The following RAD9B variants were observed in gnomAD, a reference collection of about 807,000 sequenced individuals.
RAD9B encodes the protein RAD9 checkpoint clamp component B.
A neutral mutation model predicts 48.3 loss-of-function variants in RAD9B; 41 were observed. That is an observed-to-expected ratio of 0.85 (90% CI 0.66 to 1.10). The LOEUF is 1.10. Among genes scored for constraint, RAD9B ranks in the 50% least tolerant of loss-of-function variants. The pLI is 0.00. For synonymous variants in RAD9B, 160 were observed against 157.9 expected (o/e 1.01, Z -0.10); for missense variants, 444 against 485.1 (o/e 0.92, Z 0.80).
chr12:110,519,784 G>C lies in RAD9B; in HGVS notation c.768-10G>C. ...TGAGTGTCACTGTTGCTCTGACTTG[G>C]CTTTTTTAGACCTCTGGCTTTGAGT... On this transcript the variant is annotated splice_polypyrimidine_tract_variant and intron_variant, in intron 8 of 10. Coordinates refer to ENST00000409300, the MANE Select transcript of RAD9B (RefSeq NM_001286535.2). 1 of 1,599,438 alleles carries C rather than the reference G, an allele frequency of 6.3e-7. No individual in the cohort carries two copies. The highest frequency in any genetic ancestry group is 8.5e-7 in the Non-Finnish European group (1 of 1,175,270).
chr12:110,510,411 C>A (rs554964582), intron 4 of RAD9B, among the ~76,000 whole-genome samples: 3 of 152,258 alleles, frequency 2.0e-5, no homozygotes, highest in African/African-American at 7.2e-5. Flanking sequence ...TGAATTTCAC[C>A]CGGCCTTAGA....
At chr12:110,503,629 ATG>A (rs2063167610) in intron 1 of RAD9B, among the ~76,000 whole-genome samples, 175 bp from the exon 2 acceptor site, 1 of 152,236 alleles carries the variant, frequency 6.6e-6, no homozygotes, top group Admixed American at 6.5e-5. Context: ...AGCCCTGACT[ATG>A]TGTCTGGCAT....
Position 110,531,239 on chromosome 12 carries a change from C to A in RAD9B, c.*586C>A. The A allele has an allele frequency of 1.3e-6, 1 of 777,558 alleles. No homozygotes were observed. The highest frequency in any genetic ancestry group is 6.1e-4 in the Middle Eastern group (1 of 1,648). 48.2% of individuals were successfully genotyped at this position (777,558 alleles called of 1,614,324 possible). A position where few individuals can be genotyped will look rare whatever the true frequency, so the allele number is the denominator to read the frequency against. ...ACGGAGTCTCACTTTGTCACTCAGG[C>A]TCAAGTGCAGTGGTGCAATCTCTGC... On this transcript the variant is annotated 3_prime_UTR_variant, in exon 11 of 11. Transcript: ENST00000409300.
At position 110,533,147 on chromosome 12, in the gene RAD9B, G is replaced by C. The variant is rs180937383; in HGVS notation, c.*2494G>C. 5.9e-5 allele frequency: 9 copies of C among 152,298 alleles called. No homozygotes were observed. Among genetic ancestry groups the C allele is most frequent in the Non-Finnish European group, 1.2e-4 (8 of 68,038 alleles). 9.4% of individuals were successfully genotyped at this position (152,298 alleles called of 1,614,324 possible). On this transcript the variant is annotated 3_prime_UTR_variant, in exon 11 of 11. Coordinates refer to ENST00000409300, the MANE Select transcript of RAD9B (RefSeq NM_001286535.2). ...CATATAATCAGTGCTAGAATGACTA[G>C]GAGGCTTGGAAATGAGGACCTGATA...
chr12:110,526,781 C>T (rs184371744), intron 10 of RAD9B, among the ~76,000 whole-genome samples: 3,742 of 151,868 alleles, frequency 0.025, 131 homozygotes, highest in African/African-American at 0.08. Context: ...TGGTGGCGGG[C>T]GCCTGTAGTC....
chr12:110,505,246 G>A (rs2135645440), intron 2 of RAD9B, among the ~76,000 whole-genome samples: 1 of 151,952 alleles, frequency 6.6e-6, no homozygotes, highest in African/African-American at 2.4e-5. Context: ...AAACTATCAA[G>A]TATAGAATAC....
chr12:110,530,470 T>C (rs2064103891), intron 10 of RAD9B, 55 bp from the exon 11 acceptor site: 2 of 1,580,014 alleles, frequency 1.3e-6, no homozygotes, highest in South Asian at 2.2e-5. Flanking sequence ...CTGGAGCATT[T>C]AATGAGCAAA....
rs2063281819 is a variant in RAD9B at position 110,506,675 on chromosome 12, C to A, written c.370C>A (p.Gln124Lys). 4 of 1,537,176 alleles carry A rather than the reference C, an allele frequency of 2.6e-6. No individual in the cohort carries two copies. Among genetic ancestry groups the A allele is most frequent in the Non-Finnish European group, 2.7e-6 (3 of 1,111,636 alleles). ...TRSDKCKVVI[Q>K]FFYRHGIKRT... ...ATCTGATAAATGCAAAGTAGTTATT[C>A]AATTCTTCTACAGACATGGTAGGTA... is the stretch of plus-strand genomic sequence containing the variant. Residue 124 changes from glutamine (Q) to lysine (K), a missense_variant, in exon 4 of 11, where the codon CAA (glutamine) becomes AAA (lysine). By Grantham distance (53) the Gln-to-Lys change is moderately conservative. Coordinates refer to ENST00000409300, the MANE Select transcript of RAD9B (RefSeq NM_001286535.2).
At chr12:110,506,772 G>C (rs2063286516) in intron 4 of RAD9B, 79 bp downstream of exon 4, 5 of 731,846 alleles carry the variant, frequency 6.8e-6, no homozygotes, top group Middle Eastern at 3.6e-4. Flanking sequence ...GATATTTCAT[G>C]TCAAGATTTC....
rs1018631083 is a variant in RAD9B, at chr12:110,518,560, G to C, written c.596-116G>C. The C allele has an allele frequency of 8.5e-6, 5 of 589,526 alleles. No individual in the cohort carries two copies. In the African/African-American group the frequency reaches 9.5e-5, roughly 11 times the overall value. 36.5% of individuals were successfully genotyped at this position (589,526 alleles called of 1,614,324 possible). On this transcript the variant is annotated intron_variant, in intron 6 of 10. Coordinates refer to ENST00000409300, the MANE Select transcript of RAD9B (RefSeq NM_001286535.2). Reference sequence around the variant, plus strand: ...TGCAGATATCAGGTGGGGAAGTTAGGGTACGTAGGGCAGGAGGAAATGGGA... The same window carrying C: ...TGCAGATATCAGGTGGGGAAGTTAGCGTACGTAGGGCAGGAGGAAATGGGA...
intron 10 of RAD9B, among the ~76,000 whole-genome samples, chr12:110,528,951 C>A (rs1480928492): frequency 1.3e-5 from 2 of 152,132 alleles, no homozygotes; most frequent in Non-Finnish European, 2.9e-5. Context: ...TGGTCTCGAA[C>A]TCCTGAGCTC....
At chr12:110,511,718 G>C (rs1426715430) in intron 4 of RAD9B, 1 of 188,276 alleles carries the variant, frequency 5.3e-6, no homozygotes, top group Non-Finnish European at 1.2e-5. Context: ...GTAGCTAAAA[G>C]AGAGGACTTA....
intron 9 of RAD9B, 57 bp from the exon 10 acceptor site, chr12:110,522,120 A>G (rs1269555116): frequency 2.6e-6 from 3 of 1,136,674 alleles, no homozygotes; most frequent in Non-Finnish European, 3.8e-6. Context: ...CATTAGTTAT[A>G]TAAAAATATA....
At chr12:110,515,275 TA>T (rs751796488) in intron 6 of RAD9B, 119 bp downstream of exon 6, 89 of 598,564 alleles carry the variant, frequency 1.5e-4, no homozygotes, top group Admixed American at 3.3e-4. Context: ...CAGTAAGATG[TA>T]GAAAGGTTGG....
chr12:110,515,396 C>T (rs1351358097), intron 6 of RAD9B, among the ~76,000 whole-genome samples: 1 of 152,124 alleles, frequency 6.6e-6, no homozygotes, highest in Non-Finnish European at 1.5e-5. Context: ...TGCTGTGGCT[C>T]ACGCCTGTAA....
At chr12:110,529,973 G>A (rs1347968745) in intron 10 of RAD9B, among the ~76,000 whole-genome samples, 2 of 152,186 alleles carry the variant, frequency 1.3e-5, no homozygotes, top group Non-Finnish European at 2.9e-5. Flanking sequence ...CTCAGGAGGG[G>A]AGTCAGCAGC....
intron 10 of RAD9B, among the ~76,000 whole-genome samples, chr12:110,526,605 C>G (rs1401757637): frequency 6.6e-6 from 1 of 152,128 alleles, no homozygotes; most frequent in Non-Finnish European, 1.5e-5. Context: ...TCTTTAGAGG[C>G]AATTGAAACC....
At chr12:110,505,165 G>A (rs1051323334) in intron 2 of RAD9B, among the ~76,000 whole-genome samples, 1 of 151,750 alleles carries the variant, frequency 6.6e-6, no homozygotes, top group Non-Finnish European at 1.5e-5. Flanking sequence ...ATATATACAT[G>A]TATGTACACC....
intron 4 of RAD9B, chr12:110,511,396 C>A: frequency 4.8e-6 from 2 of 412,500 alleles, no homozygotes; most frequent in South Asian, 1.8e-5. Flanking sequence ...TACTATTTGG[C>A]CATAAAAATA....
Sources: allele counts gnomAD v4.1 joint callset (sites outside exome capture counted in the v4.1 genomes callset), GRCh38; gene constraint gnomAD v4.1.1; transcripts MANE v1.5; gene names NCBI Gene and HGNC (gene_info 2026-07-23, HGNC 2026-07-21).